The following SMYD4 variants were observed in gnomAD, a reference collection of about 807,000 sequenced individuals.
SMYD4 encodes the protein SET and MYND domain containing 4.
SMYD4 carries 68 observed loss-of-function variants against 72.8 expected under a neutral mutation model. The observed-to-expected ratio is 0.93, with a 90% CI of 0.77 to 1.14. The LOEUF is 1.14. SMYD4 is among the 50% of genes most tolerant of loss of function. SMYD4 has a pLI of 0.00. For missense variants in SMYD4, 984 were observed against 1,003.7 expected, an observed-to-expected ratio of 0.98 and a Z score of 0.27; for synonymous variants, 407 against 388.6, an observed-to-expected ratio of 1.05 and a Z score of -0.56.
chr17:1,779,514 C>T lies in SMYD4; in HGVS notation c.*1772G>A, dbSNP rs1477077476. 6.6e-6 allele frequency: 1 copy of T among 150,596 alleles called. No homozygotes were observed. The highest frequency in any genetic ancestry group is 1.5e-5 in the Non-Finnish European group (1 of 68,062). The allele number at this position is 150,596 out of a possible 1,614,324, so 9.3% of individuals were successfully genotyped here. ...CAAAACAAAACAAAACAAAACAAAA[C>T]CAACAACTCAGAAGGAGGCATATGT... On this transcript the variant is annotated 3_prime_UTR_variant, in exon 11 of 11. Transcript: ENST00000305513.
intron 2 of SMYD4, among the ~76,000 whole-genome samples, chr17:1,815,437 T>A (rs1181240113): frequency 2.6e-5 from 4 of 151,864 alleles, no homozygotes; most frequent in Non-Finnish European, 5.9e-5. Flanking sequence ...TGAGCTCAAG[T>A]GATTTTCCTG....
At chr17:1,828,582 C>A (rs1911329737) in intron 1 of SMYD4, among the ~76,000 whole-genome samples, 1 of 70,390 alleles carries the variant, frequency 1.4e-5, no homozygotes, top group Non-Finnish European at 3.9e-5. Flanking sequence ...TAGCTACCAT[C>A]TGTGCTCTTA....
Position 1,800,188 on chromosome 17 carries a change from G to A in SMYD4, c.1206C>T (p.Gly402=), listed in dbSNP as rs760027063. The A allele has an allele frequency of 6.2e-7, 1 of 1,610,382 alleles. No homozygotes were observed. The highest frequency in any genetic ancestry group is 8.5e-7 in the Non-Finnish European group (1 of 1,177,424). Residue 402 remains glycine, a synonymous_variant, in exon 5 of 11, where the codon GGC becomes GGT. Coordinates refer to ENST00000305513, the MANE Select transcript of SMYD4 (RefSeq NM_052928.3). ...NYGLGESEKN[G]NIVETPIPGC... is the part of the protein sequence containing the mutation. ...CAGGAATTGGGGTCTCAACGATGTT[G>A]CCATTTTTCTCACTCTCCCCTAGGC...
chr17:1,813,228 T>A (rs373170409), intron 2 of SMYD4, among the ~76,000 whole-genome samples: 1 of 152,198 alleles, frequency 6.6e-6, no homozygotes, highest in African/African-American at 2.4e-5. Context: ...CATGTGCTAC[T>A]GGGCCCAGCC....
chr17:1,781,322 C>T lies in SMYD4; in HGVS notation c.2379G>A (p.Leu793=), dbSNP rs1555573589. Residue 793 remains leucine, a synonymous_variant, in exon 11 of 11, where the codon TTG becomes TTA. Coordinates refer to ENST00000305513, the MANE Select transcript of SMYD4 (RefSeq NM_052928.3). ...GCCCTACAGGGGTGGGTGGTAAGTC[C>T]AACAAACAGGATTTCATCTTCTGGA... is the stretch of plus-strand genomic sequence containing the variant. ...QELQKMKSCL[L]DLPPTPVGPA... 1 of 1,613,788 alleles carries T rather than the reference C, an allele frequency of 6.2e-7. No homozygotes were observed.
intron 4 of SMYD4, among the ~76,000 whole-genome samples, chr17:1,801,942 C>CTCCA (rs1222992520): frequency 2.0e-5 from 3 of 152,062 alleles, no homozygotes; most frequent in Non-Finnish European, 4.4e-5. Context: ...TGCCACTGAA[C>CTCCA]TCCAGCCTGG....
At chr17:1,803,993 A>T (rs1417524606) in intron 4 of SMYD4, among the ~76,000 whole-genome samples, 1 of 150,772 alleles carries the variant, frequency 6.6e-6, no homozygotes, top group Non-Finnish European at 1.5e-5. Flanking sequence ...CTCCTGCCTC[A>T]GCCACTGAAG....
chr17:1,805,512 G>A (rs1909985185), intron 3 of SMYD4, among the ~76,000 whole-genome samples: 1 of 151,868 alleles, frequency 6.6e-6, no homozygotes, highest in Non-Finnish European at 1.5e-5. Flanking sequence ...TGATTACTCA[G>A]TAAAACTACT....
chr17:1,824,710 C>T (rs754577845), intron 2 of SMYD4, among the ~76,000 whole-genome samples: 13 of 152,162 alleles, frequency 8.5e-5, no homozygotes, highest in Non-Finnish European at 7.3e-5. Flanking sequence ...CCCTCCGTCT[C>T]CCAGGTTCAA....
intron 2 of SMYD4, among the ~76,000 whole-genome samples, chr17:1,824,935 A>G (rs1911089599): frequency 6.6e-6 from 1 of 151,968 alleles, no homozygotes; most frequent in Non-Finnish European, 1.5e-5. Flanking sequence ...AAATCTGATG[A>G]TTTTATAAGG....
Position 1,783,376 on chromosome 17 carries a change from C to T in SMYD4, c.2121G>A (p.Arg707=), listed in dbSNP as rs200409350. 40 of 1,612,388 alleles carry T rather than the reference C, an allele frequency of 2.5e-5. No homozygotes were observed. Among genetic ancestry groups the T allele is most frequent in the Non-Finnish European group, 2.9e-5 (34 of 1,180,032 alleles). The part of the protein sequence containing the change: ...VVGEIADGLA[R]ACAALGDWQK... ...ATGCTGTACCTAAGGCAGCACAGGC[C>T]CGGGCCAGGCCATCCGCGATCTCTC... is the stretch of plus-strand genomic sequence containing the variant. Residue 707 remains arginine, a synonymous_variant, in exon 9 of 11, where the codon CGG becomes CGA. Coordinates refer to ENST00000305513, the MANE Select transcript of SMYD4 (RefSeq NM_052928.3).
chr17:1,786,478 T>C (rs1298818064), intron 7 of SMYD4, among the ~76,000 whole-genome samples: 1 of 152,160 alleles, frequency 6.6e-6, no homozygotes, highest in African/African-American at 2.4e-5. Context: ...CCTCCCAAAG[T>C]GCTGGGATAA....
At chr17:1,815,540 T>C (rs1032383660) in intron 2 of SMYD4, among the ~76,000 whole-genome samples, 9 of 147,980 alleles carry the variant, frequency 6.1e-5, no homozygotes, top group Non-Finnish European at 1.3e-4. Flanking sequence ...TGGAATATTA[T>C]GATAAAAAAA....
chr17:1,817,037 G>C (rs950373463), intron 2 of SMYD4, among the ~76,000 whole-genome samples: 15 of 140,772 alleles, frequency 1.1e-4, no homozygotes, highest in Non-Finnish European at 1.5e-5. Context: ...ACTGTCCTTG[G>C]TGCACAAAAC....
intron 4 of SMYD4, 72 bp downstream of exon 4, chr17:1,804,554 G>T (rs1909938089): frequency 7.8e-7 from 1 of 1,283,670 alleles, no homozygotes; most frequent in Middle Eastern, 1.9e-4. Context: ...AAGAAGCAGA[G>T]ATGAAGGTCT....
At chr17:1,815,405 G>A (rs1271568685) in intron 2 of SMYD4, among the ~76,000 whole-genome samples, 1 of 150,954 alleles carries the variant, frequency 6.6e-6, no homozygotes, top group Non-Finnish European at 1.5e-5. Context: ...TCAATACCTT[G>A]CCCAGGCTGT....
chr17:1,824,305 T>A (rs1280637304), intron 2 of SMYD4, among the ~76,000 whole-genome samples: 1 of 152,190 alleles, frequency 6.6e-6, no homozygotes, highest in Non-Finnish European at 1.5e-5. Context: ...ATTGCGCCAC[T>A]GCACTCCAGC....
chr17:1,821,912 C>A (rs1487733668), intron 2 of SMYD4, among the ~76,000 whole-genome samples: 7 of 147,026 alleles, frequency 4.8e-5, no homozygotes, highest in Non-Finnish European at 7.4e-5. Context: ...GCCTGGGTGG[C>A]AGAGTGAGAT....
intron 2 of SMYD4, among the ~76,000 whole-genome samples, chr17:1,818,135 C>T (rs552398088): frequency 6.6e-6 from 1 of 151,510 alleles, no homozygotes; most frequent in South Asian, 2.1e-4. Flanking sequence ...TATATGAAGG[C>T]ACAACTTCAG....
Sources: allele counts gnomAD v4.1 joint callset (sites outside exome capture counted in the v4.1 genomes callset), GRCh38; gene constraint gnomAD v4.1.1; transcripts MANE v1.5; gene names NCBI Gene and HGNC (gene_info 2026-07-23, HGNC 2026-07-21).